Variants in SLC8A3 observed in about 807,000 individuals in gnomAD.
SLC8A3 encodes solute carrier family 8 member A3, also known as sodium/calcium exchanger 3.
SLC8A3 carries 37 observed loss-of-function variants against 65.4 expected under a neutral mutation model. That is an observed-to-expected ratio of 0.57 (90% CI 0.44 to 0.74). SLC8A3 has a LOEUF of 0.74. SLC8A3 is among the 30% of genes least tolerant of loss of function. The probability of loss-of-function intolerance (pLI) is 0.00; values close to 1 mark genes in which losing one functional copy is unlikely to be tolerated. For synonymous variants in SLC8A3, 461 were observed against 444.5 expected (o/e 1.04, Z -0.47); for missense variants, 1,112 against 1,172.1 (o/e 0.95, Z 0.75).
rs10527244 is a variant in SLC8A3, at chr14:70,174,662, GTTT to G, written c.-62-6181_-62-6179del. On this transcript the variant is annotated intron_variant, in intron 1 of 6. Coordinates refer to ENST00000356921, the MANE Select transcript of SLC8A3 (RefSeq NM_182932.3). ...CTTGGACCAAATCCGTTTTTTTTTTGTTTTTTTTTTTTTTTTTTTTTTTTTTTT... is the reference window on the plus strand; with the variant it reads ...CTTGGACCAAATCCGTTTTTTTTTTGTTTTTTTTTTTTTTTTTTTTTTTTT... 2.7e-4 allele frequency among the ~76,000 whole-genome samples: 18 copies of G among 66,504 alleles called. 2 individuals are homozygous for G. The highest frequency in any genetic ancestry group is 0.011 in the Middle Eastern group (1 of 90). The allele number at this position is 66,504 out of a possible 152,430, so 43.6% of individuals were successfully genotyped here.
At chr14:70,061,058 A>G (rs1196892282) in intron 2 of SLC8A3, 119 bp from the exon 3 acceptor site, 4 of 582,568 alleles carry the variant, frequency 6.9e-6, no homozygotes, top group South Asian at 5.0e-5. Context: ...CAGTCCCACC[A>G]TGGTGGCTTT....
chr14:70,151,267 A>G (rs1292413825), intron 2 of SLC8A3, among the ~76,000 whole-genome samples: 1 of 152,164 alleles, frequency 6.6e-6, no homozygotes, highest in African/African-American at 2.4e-5. Flanking sequence ...AAAAGAAAAA[A>G]AAAAAAAAAG....
At chr14:70,083,943 A>G (rs1451281936) in intron 2 of SLC8A3, among the ~76,000 whole-genome samples, 1 of 152,232 alleles carries the variant, frequency 6.6e-6, no homozygotes, top group African/African-American at 2.4e-5. Flanking sequence ...ATTACAACAC[A>G]GAAGAGAAGT....
At position 70,167,335 on chromosome 14, in the gene SLC8A3, G is replaced by T. The variant is rs1897235725; in HGVS notation, c.1088C>A (p.Thr363Asn). ...TTTCTTCAGGATATTGCCTGCACCA[G>T]TCATCATACGAGTGGCTTGGATACG... ...FYRIQATRMMTGAGNILKKHA... is the reference protein window; with the variant it reads ...FYRIQATRMMNGAGNILKKHA... Residue 363 changes from threonine (T) to asparagine (N), a missense_variant, in exon 2 of 7, where the codon ACT (threonine) becomes AAT (asparagine). Transcript: ENST00000356921. 6.2e-7 allele frequency: 1 copy of T among 1,614,204 alleles called. No homozygotes were observed. The highest frequency in any genetic ancestry group is 8.5e-7 in the Non-Finnish European group (1 of 1,180,036).
intron 2 of SLC8A3, among the ~76,000 whole-genome samples, chr14:70,073,664 T>C (rs1302795375): frequency 1.3e-5 from 2 of 152,234 alleles, no homozygotes; most frequent in Non-Finnish European, 2.9e-5. Context: ...TTAGAGATGT[T>C]GGATCTCTCT....
intron 2 of SLC8A3, among the ~76,000 whole-genome samples, chr14:70,089,113 G>A (rs1891644295): frequency 6.6e-6 from 1 of 152,112 alleles, no homozygotes; most frequent in Non-Finnish European, 1.5e-5. Context: ...TAACTCCTCT[G>A]TCCTCCAAAC....
chr14:70,161,697 CA>C (rs1445656915), intron 2 of SLC8A3, among the ~76,000 whole-genome samples: 2 of 152,218 alleles, frequency 1.3e-5, no homozygotes, highest in African/African-American at 4.8e-5. Flanking sequence ...AGAGGCAAAT[CA>C]TCTCCCTCTG....
intron 2 of SLC8A3, among the ~76,000 whole-genome samples, chr14:70,139,800 G>A (rs1195293751): frequency 6.6e-6 from 1 of 152,110 alleles, no homozygotes; most frequent in Admixed American, 6.5e-5. Flanking sequence ...CCCTTTGAGA[G>A]GGTCTACAGT....
chr14:70,073,055 A>G (rs996497334), intron 2 of SLC8A3, among the ~76,000 whole-genome samples: 1 of 151,240 alleles, frequency 6.6e-6, no homozygotes, highest in African/African-American at 2.4e-5. Context: ...TCTTCCTCTT[A>G]CCCTTCCCTT....
At chr14:70,155,646 T>G (rs1159961442) in intron 2 of SLC8A3, among the ~76,000 whole-genome samples, 2 of 152,268 alleles carry the variant, frequency 1.3e-5, no homozygotes, top group Non-Finnish European at 2.9e-5. Flanking sequence ...ATTAGAAGTT[T>G]TATTATGTAA....
rs147824242 is a variant in SLC8A3, at chr14:70,080,572, G to T, written c.1785-19633C>A. The stretch of plus-strand genomic sequence containing the variant: ...AATTGAGTCAGGAGACAGCAAATGG[G>T]GTTGGGTGGAGAAATGACATCAGTT... On this transcript the variant is annotated intron_variant, in intron 2 of 6. Transcript: ENST00000356921. Among the ~76,000 whole-genome samples, 676 of 152,300 alleles carry T rather than the reference G, an allele frequency of 4.4e-3. 6 individuals are homozygous for T. Among genetic ancestry groups the T allele is most frequent in the African/African-American group, 0.016 (648 of 41,572 alleles).
chr14:70,157,423 C>T (rs1380102578), intron 2 of SLC8A3, among the ~76,000 whole-genome samples: 2 of 152,062 alleles, frequency 1.3e-5, no homozygotes, highest in Non-Finnish European at 2.9e-5. Context: ...CACAGGGCAA[C>T]CAGCTCATAT....
intron 1 of SLC8A3, among the ~76,000 whole-genome samples, chr14:70,170,453 G>T (rs1425304869): frequency 6.6e-6 from 1 of 152,286 alleles, no homozygotes; most frequent in South Asian, 2.1e-4. Context: ...TGACATAAGA[G>T]CAAAGACTGT....
At chr14:70,049,398 C>A (rs146402883) in intron 5 of SLC8A3, among the ~76,000 whole-genome samples, 5,261 of 152,268 alleles carry the variant, frequency 0.035, 124 homozygotes, top group Admixed American at 0.051. Flanking sequence ...AAACCAAACA[C>A]TGCATGTTCT....
chr14:70,107,682 G>A (rs1892969250), intron 2 of SLC8A3, among the ~76,000 whole-genome samples: 1 of 152,068 alleles, frequency 6.6e-6, no homozygotes, highest in Non-Finnish European at 1.5e-5. Context: ...ATGAAAGACA[G>A]GGAAGCCTGC....
At chr14:70,123,174 G>A (rs989471248) in intron 2 of SLC8A3, among the ~76,000 whole-genome samples, 2 of 151,688 alleles carry the variant, frequency 1.3e-5, no homozygotes, top group African/African-American at 4.8e-5. Context: ...GAACCCGGGA[G>A]GTGGAGGTTG....
At chr14:70,126,887 T>C (rs1894493947) in intron 2 of SLC8A3, among the ~76,000 whole-genome samples, 1 of 149,944 alleles carries the variant, frequency 6.7e-6, no homozygotes, top group South Asian at 2.1e-4. Context: ...CTGGTAAGTA[T>C]ATAATGCAAA....
intron 2 of SLC8A3, among the ~76,000 whole-genome samples, chr14:70,130,322 G>GC (rs939623115): frequency 6.6e-6 from 1 of 152,112 alleles, no homozygotes; most frequent in Non-Finnish European, 1.5e-5. Flanking sequence ...ACCTGTTCCC[G>GC]CCCCCTATAA....
At chr14:70,140,949 C>T (rs558442198) in intron 2 of SLC8A3, among the ~76,000 whole-genome samples, 42 of 152,340 alleles carry the variant, frequency 2.8e-4, no homozygotes, top group African/African-American at 9.1e-4. Context: ...TGCTTTATAG[C>T]ATCTAGCCAC....
Sources: allele counts gnomAD v4.1 joint callset (sites outside exome capture counted in the v4.1 genomes callset), GRCh38; gene constraint gnomAD v4.1.1; transcripts MANE v1.5; gene names NCBI Gene and HGNC (gene_info 2026-07-23, HGNC 2026-07-21).